Variants in SELP observed in about 807,000 individuals in gnomAD.
The protein encoded by SELP is selectin P, also known as P-selectin.
A neutral mutation model predicts 104.1 loss-of-function variants in SELP; 92 were observed. That is an observed-to-expected ratio of 0.88 (90% CI 0.75 to 1.05). The LOEUF is 1.05. SELP is among the 50% of genes least tolerant of loss of function. The probability of loss-of-function intolerance (pLI) is 0.00; values close to 1 mark genes in which losing one functional copy is unlikely to be tolerated. For synonymous variants in SELP, 397 were observed against 364.5 expected (o/e 1.09, Z -1.01); for missense variants, 1,022 against 1,017.3 (o/e 1.00, Z -0.06).
intron 9 of SELP, among the ~76,000 whole-genome samples, chr1:169,606,310 C>T (rs1662190590): frequency 6.6e-6 from 1 of 152,156 alleles, no homozygotes; most frequent in Non-Finnish European, 1.5e-5. Context: ...GAGTGAGACT[C>T]CGTCTCAAAA....
At chr1:169,613,807 CAA>C (rs1257424874) in intron 3 of SELP, 114 bp from the exon 4 acceptor site, 1 of 814,898 alleles carries the variant, frequency 1.2e-6, no homozygotes, top group Non-Finnish European at 2.1e-6. Flanking sequence ...GCTAGCCAGA[CAA>C]GAGGGAAGCA....
At chr1:169,613,245 A>G (rs1662638655) in intron 4 of SELP, 131 bp from the exon 5 acceptor site, 2 of 833,806 alleles carry the variant, frequency 2.4e-6, no homozygotes, top group African/African-American at 1.7e-5. Flanking sequence ...CAAGCTATCC[A>G]TCTCTACTTG....
chr1:169,613,559 A>G, intron 4 of SELP, 27 bp downstream of exon 4: 1 of 1,579,422 alleles, frequency 6.3e-7, no homozygotes, highest in Non-Finnish European at 8.7e-7. Context: ...TAAAACCAAA[A>G]TAATATCAAC....
At chr1:169,613,853 GA>G (rs1662676151) in intron 3 of SELP, among the ~76,000 whole-genome samples, 160 bp from the exon 4 acceptor site, 1 of 152,238 alleles carries the variant, frequency 6.6e-6, no homozygotes, top group African/African-American at 2.4e-5. Context: ...TGTCCCTTGT[GA>G]AAAGCATTGT....
At chr1:169,610,294 T>C (rs544113436) in intron 7 of SELP, among the ~76,000 whole-genome samples, 1 of 152,210 alleles carries the variant, frequency 6.6e-6, no homozygotes, top group South Asian at 2.1e-4. Flanking sequence ...CTAATCAGAC[T>C]TCAGTTGCCA....
chr1:169,626,235 T>G (rs906426795), intron 1 of SELP, among the ~76,000 whole-genome samples: 1 of 152,144 alleles, frequency 6.6e-6, no homozygotes, highest in Non-Finnish European at 1.5e-5. Flanking sequence ...ACAGATCACA[T>G]CGGGCTTTGG....
chr1:169,609,403 A>C, intron 8 of SELP, 101 bp downstream of exon 8: 1 of 1,182,340 alleles, frequency 8.5e-7, no homozygotes, highest in East Asian at 2.4e-5. Context: ...GTAGGTTCTC[A>C]GTGAATATCT....
chr1:169,623,868 G>A (rs1406921733), intron 1 of SELP, among the ~76,000 whole-genome samples: 1 of 152,166 alleles, frequency 6.6e-6, no homozygotes, highest in Admixed American at 6.5e-5. Flanking sequence ...CTCAGTGAGC[G>A]TAAATGATTT....
Position 169,617,423 on chromosome 1 carries a change from A to C in SELP, c.95-9T>G. The stretch of plus-strand genomic sequence containing the variant: ...TTTCTGGTTTGTTAGTTCTAGAGTA[A>C]AGGAGAGTGAGTGCCAGGTTAGTAC... On this transcript the variant is annotated splice_polypyrimidine_tract_variant and intron_variant, in intron 2 of 16. Transcript: ENST00000263686. The C allele has an allele frequency of 3.7e-6, 6 of 1,611,958 alleles. No individual in the cohort carries two copies. Among genetic ancestry groups the C allele is most frequent in the South Asian group, 1.1e-5 (1 of 90,922 alleles).
At chr1:169,614,060 C>T (rs985244939) in intron 3 of SELP, among the ~76,000 whole-genome samples, 3 of 152,178 alleles carry the variant, frequency 2.0e-5, no homozygotes, top group Admixed American at 6.5e-5. Flanking sequence ...CCCAATGTCA[C>T]GTATTACTGC....
chr1:169,600,574 C>CA (rs970614083), intron 10 of SELP, among the ~76,000 whole-genome samples: 26 of 152,054 alleles, frequency 1.7e-4, no homozygotes, highest in African/African-American at 5.8e-4. Flanking sequence ...AGCCATCCCC[C>CA]AAAATGAAAT....
Position 169,599,973 on chromosome 1 carries a change from G to A in SELP, c.1706-2797C>T, listed in dbSNP as rs142774575. ...ATGACAGACAGTGTTAAGGGATTAG[G>A]AATTCAGCAGTCTGTATCATGAAAG... On this transcript the variant is annotated intron_variant, in intron 10 of 16. Transcript: ENST00000263686. Among the ~76,000 whole-genome samples, 13 of 152,298 alleles carry A rather than the reference G, an allele frequency of 8.5e-5. No homozygotes were observed. In the East Asian group the frequency reaches 2.3e-3, roughly 27 times the overall value.
At chr1:169,598,334 A>G (rs532134973) in intron 10 of SELP, among the ~76,000 whole-genome samples, 1 of 152,296 alleles carries the variant, frequency 6.6e-6, no homozygotes, top group South Asian at 2.1e-4. Context: ...GATAAGTCTC[A>G]TTTACTTAGA....
intron 10 of SELP, among the ~76,000 whole-genome samples, chr1:169,602,490 T>A (rs3917771): frequency 0.22 from 33,682 of 152,192 alleles, 6,640 homozygotes; most frequent in African/African-American, 0.53. Flanking sequence ...CTGGACGAGT[T>A]ATTTAACCTC....
chr1:169,599,776 G>C (rs1383754928), intron 10 of SELP, among the ~76,000 whole-genome samples: 1 of 152,144 alleles, frequency 6.6e-6, no homozygotes, highest in Non-Finnish European at 1.5e-5. Context: ...GATGTCAGCT[G>C]GGCCAGAGTT....
chr1:169,612,229 G>T lies in SELP; in HGVS notation c.949C>A (p.Pro317Thr). The change falls in exon 6 of 17, where the codon CCA (proline) becomes ACA (threonine). Residue 317 changes from proline to threonine, a missense_variant. Physicochemically the swap from Pro to Thr is conservative, Grantham distance 38. Coordinates refer to ENST00000263686, the MANE Select transcript of SELP (RefSeq NM_003005.4). ...TASGVWTAPA[P>T]VCKAVQCQHL... ...ACCTGAAACTCACCTTTACACACTG[G>T]GGCTGGGGCTGTCCATACCCCCGAG... is the stretch of plus-strand genomic sequence containing the variant. The T allele has an allele frequency of 1.2e-6, 2 of 1,613,844 alleles. No individual in the cohort carries two copies. Among genetic ancestry groups the T allele is most frequent in the Non-Finnish European group, 1.7e-6 (2 of 1,179,916 alleles).
intron 1 of SELP, among the ~76,000 whole-genome samples, chr1:169,626,216 G>A (rs892289940): frequency 1.3e-5 from 2 of 152,188 alleles, no homozygotes; most frequent in African/African-American, 2.4e-5. Flanking sequence ...ATACGAGCCG[G>A]GGGTAGTGAC....
intron 11 of SELP, 66 bp downstream of exon 11, chr1:169,596,925 T>C (rs556809531): frequency 1.3e-5 from 18 of 1,432,224 alleles, no homozygotes; most frequent in Middle Eastern, 3.7e-4. Flanking sequence ...AAGAACTAGA[T>C]AATTGTTTGT....
intron 9 of SELP, among the ~76,000 whole-genome samples, chr1:169,606,719 GC>G (rs1379182017): frequency 6.6e-6 from 1 of 152,144 alleles, no homozygotes; most frequent in Non-Finnish European, 1.5e-5. Flanking sequence ...CAAGGGCCAT[GC>G]CCTACTGTCT....
Sources: gnomAD v4.1 joint callset for allele counts (sites outside exome capture counted in the v4.1 genomes callset) on GRCh38, gnomAD v4.1.1 for gene constraint, MANE v1.5 for transcripts, NCBI Gene and HGNC (gene_info 2026-07-23, HGNC 2026-07-21) for gene names.